CNTN5: variants seen among roughly 807,000 people sequenced by gnomAD.
CNTN5 encodes contactin-5.
A neutral mutation model predicts 129.1 loss-of-function variants in CNTN5; 77 were observed. That is an observed-to-expected ratio of 0.60 (90% CI 0.50 to 0.72). The LOEUF is 0.72. Among genes scored for constraint, CNTN5 ranks in the 30% least tolerant of loss-of-function variants. CNTN5 has a pLI of 0.00. For missense variants in CNTN5, 1,478 were observed against 1,328.8 expected, an observed-to-expected ratio of 1.11 and a Z score of -1.75; for synonymous variants, 509 against 465.6, an observed-to-expected ratio of 1.09 and a Z score of -1.20.
At chr11:100,112,385 G>T (rs1945684891) in intron 13 of CNTN5, among the ~76,000 whole-genome samples, 1 of 152,006 alleles carries the variant, frequency 6.6e-6, no homozygotes, top group Admixed American at 6.6e-5. Context: ...TATCACTGAT[G>T]ATATAAACAC....
At chr11:100,060,799 C>T (rs1943438451) in intron 9 of CNTN5, among the ~76,000 whole-genome samples, 1 of 151,984 alleles carries the variant, frequency 6.6e-6, no homozygotes, top group South Asian at 2.1e-4. Flanking sequence ...ACCACCATGC[C>T]TGGCTAATTT....
At chr11:99,617,969 T>G (rs1591368510) in intron 3 of CNTN5, among the ~76,000 whole-genome samples, 1 of 152,292 alleles carries the variant, frequency 6.6e-6, no homozygotes, top group African/African-American at 2.4e-5. Flanking sequence ...TTACAGCCCC[T>G]AATACAGTAT....
intron 1 of CNTN5, among the ~76,000 whole-genome samples, chr11:99,117,325 T>A (rs2135397747): frequency 6.6e-6 from 1 of 152,214 alleles, no homozygotes; most frequent in Non-Finnish European, 1.5e-5. Context: ...AGAAACAGAG[T>A]ATTGCCATCA....
chr11:100,266,582 A>T (rs1406135145), intron 17 of CNTN5, among the ~76,000 whole-genome samples: 2 of 150,842 alleles, frequency 1.3e-5, no homozygotes, highest in African/African-American at 4.9e-5. Context: ...AATACTTATA[A>T]TTATTTTATA....
chr11:99,759,016 T>C (rs1322047674), intron 3 of CNTN5, among the ~76,000 whole-genome samples: 1 of 152,092 alleles, frequency 6.6e-6, no homozygotes. Flanking sequence ...CTGAGGAAAT[T>C]AACACTTATA....
chr11:100,009,929 C>T (rs1377568), intron 9 of CNTN5, among the ~76,000 whole-genome samples: 151,228 of 152,284 alleles, frequency 0.99, 75,098 homozygotes, highest in Middle Eastern at 1. Context: ...CATTTCAAAC[C>T]GGTTGGTGGC....
chr11:100,207,535 T>TA (rs1044192006), intron 15 of CNTN5, among the ~76,000 whole-genome samples: 2 of 152,084 alleles, frequency 1.3e-5, no homozygotes, highest in Admixed American at 6.6e-5. Context: ...TCACTAAAAC[T>TA]AAAAAATACT....
At chr11:99,796,732 C>A (rs1945954916) in intron 3 of CNTN5, among the ~76,000 whole-genome samples, 1 of 152,014 alleles carries the variant, frequency 6.6e-6, no homozygotes, top group South Asian at 2.1e-4. Context: ...GCTCAAGTCT[C>A]CTAGGGAAAC....
intron 1 of CNTN5, among the ~76,000 whole-genome samples, chr11:99,111,198 G>A (rs956354983): frequency 5.3e-5 from 8 of 152,146 alleles, no homozygotes; most frequent in Admixed American, 2.0e-4. Flanking sequence ...TGGGATCTAA[G>A]CAGGTGACTC....
chr11:100,165,462 G>T (rs971327413), intron 13 of CNTN5, among the ~76,000 whole-genome samples: 1 of 132,112 alleles, frequency 7.6e-6, no homozygotes, highest in Non-Finnish European at 1.6e-5. Context: ...AGTGACTAAT[G>T]TATCAAAAGA....
chr11:100,343,953 T>C (rs1175007863), intron 23 of CNTN5, among the ~76,000 whole-genome samples: 2 of 152,080 alleles, frequency 1.3e-5, no homozygotes, highest in South Asian at 2.1e-4. Flanking sequence ...ACAAGGTAGT[T>C]TGAGGCGGGC....
chr11:100,146,276 A>C (rs1946849725), intron 13 of CNTN5, among the ~76,000 whole-genome samples: 1 of 152,162 alleles, frequency 6.6e-6, no homozygotes, highest in African/African-American at 2.4e-5. Context: ...AAATGTAGGC[A>C]GTGATTATGT....
At chr11:99,449,421 T>A (rs1427542751) in intron 2 of CNTN5, among the ~76,000 whole-genome samples, 3 of 152,212 alleles carry the variant, frequency 2.0e-5, no homozygotes, top group Non-Finnish European at 4.4e-5. Flanking sequence ...AAAACTTATA[T>A]TTGTATGGTT....
At chr11:99,395,338 C>A (rs552100087) in intron 2 of CNTN5, among the ~76,000 whole-genome samples, 10 of 152,002 alleles carry the variant, frequency 6.6e-5, no homozygotes, top group Admixed American at 4.6e-4. Context: ...TGTATGTCTT[C>A]TTTTGAGAAG....
At chr11:100,127,306 G>T (rs1946220000) in intron 13 of CNTN5, among the ~76,000 whole-genome samples, 1 of 151,720 alleles carries the variant, frequency 6.6e-6, no homozygotes, top group Non-Finnish European at 1.5e-5. Flanking sequence ...GGCTAGTGAT[G>T]ACACATTCCT....
chr11:99,905,130 G>A (rs893074378), intron 6 of CNTN5, among the ~76,000 whole-genome samples: 2 of 152,156 alleles, frequency 1.3e-5, no homozygotes, highest in Non-Finnish European at 2.9e-5. Flanking sequence ...CTGTGCAGAA[G>A]CTCTTTAGTT....
At chr11:100,110,420 G>C (rs1046101979) in intron 13 of CNTN5, among the ~76,000 whole-genome samples, 3 of 151,624 alleles carry the variant, frequency 2.0e-5, no homozygotes, top group African/African-American at 7.3e-5. Context: ...AATAATATAG[G>C]ATTGCTATTT....
At chr11:100,246,062 A>G (rs187012345) in intron 16 of CNTN5, among the ~76,000 whole-genome samples, 1 of 152,164 alleles carries the variant, frequency 6.6e-6, no homozygotes, top group Non-Finnish European at 1.5e-5. Context: ...TCATTTTTGA[A>G]TGTTTCACAT....
At chr11:99,046,427 A>G (rs1476100324) in intron 1 of CNTN5, among the ~76,000 whole-genome samples, 1 of 152,208 alleles carries the variant, frequency 6.6e-6, no homozygotes, top group Non-Finnish European at 1.5e-5. Flanking sequence ...ATAGGATATT[A>G]GAAAAATAGT....
Sources: allele counts gnomAD v4.1 joint callset (sites outside exome capture counted in the v4.1 genomes callset), GRCh38; gene constraint gnomAD v4.1.1; transcripts MANE v1.5; gene names NCBI Gene and HGNC (gene_info 2026-07-23, HGNC 2026-07-21).